Variants in ASTN1 observed in about 807,000 individuals in gnomAD.
ASTN1 encodes the protein astrotactin 1, also known as astrotactin-1.
In ASTN1, 41 loss-of-function variants were observed where a neutral mutation model predicts 140.7. The observed-to-expected ratio is 0.29, with a 90% CI of 0.23 to 0.38. The LOEUF (loss-of-function observed/expected upper bound fraction) is 0.38, where lower values mean the gene tolerates loss of function less well. Ranked by LOEUF, ASTN1 falls within the 10% of genes least tolerant of loss-of-function variation. The pLI, the probability that ASTN1 is intolerant of heterozygous loss-of-function variation, is 1.00. For synonymous variants in ASTN1, 640 were observed against 652.2 expected (o/e 0.98, Z 0.29); for missense variants, 1,479 against 1,678.8 (o/e 0.88, Z 2.08).
intron 1 of ASTN1, among the ~76,000 whole-genome samples, chr1:177,100,909 A>G (rs1012938248): frequency 9.2e-5 from 14 of 152,244 alleles, no homozygotes; most frequent in East Asian, 1.9e-4. Context: ...CCTGGCCAAC[A>G]TGGTAAAACT....
At chr1:176,951,220 T>C (rs1359957481) in intron 11 of ASTN1, among the ~76,000 whole-genome samples, 1 of 152,196 alleles carries the variant, frequency 6.6e-6, no homozygotes, top group Non-Finnish European at 1.5e-5. Context: ...CAGATGATGG[T>C]AAACAAGCAA....
intron 8 of ASTN1, among the ~76,000 whole-genome samples, chr1:177,013,479 C>T (rs776666609): frequency 1.3e-5 from 2 of 152,160 alleles, no homozygotes; most frequent in African/African-American, 2.4e-5. Flanking sequence ...CCCTTGGGCT[C>T]TTCAATCATT....
chr1:176,961,678 C>G (rs996035317), intron 9 of ASTN1, among the ~76,000 whole-genome samples: 5 of 152,180 alleles, frequency 3.3e-5, no homozygotes, highest in African/African-American at 1.2e-4. Context: ...CTAAAGTTTT[C>G]TTTCATCTGC....
Position 176,861,747 on chromosome 1 carries a change from GAAGA to G in ASTN1, c.*2533_*2536del. The G allele has an allele frequency of 1.0e-6, 1 of 985,446 alleles. No individual in the cohort carries two copies. Among genetic ancestry groups the G allele is most frequent in the Non-Finnish European group, 1.2e-6 (1 of 829,998 alleles). The allele number at this position is 985,446 out of a possible 1,614,324, so 61.0% of individuals were successfully genotyped here. Reference sequence around the variant, plus strand: ...GGGAGAACTCAACGAGAAACAGGAGGAAGAAAGTCTTGGGGAAAGAGGAGGCCAA... The same window carrying G: ...GGGAGAACTCAACGAGAAACAGGAGGAAGTCTTGGGGAAAGAGGAGGCCAA... On this transcript the variant is annotated 3_prime_UTR_variant, in exon 23 of 23. Transcript: ENST00000361833.
chr1:176,864,651 T>C, intron 22 of ASTN1, 130 bp from the exon 23 acceptor site: 1 of 1,351,958 alleles, frequency 7.4e-7, no homozygotes, highest in Non-Finnish European at 9.9e-7. Context: ...CTATTTTATC[T>C]TTGGCACTTG....
chr1:176,860,160 G>A (rs138700617), downstream of ASTN1, among the ~76,000 whole-genome samples: 2 of 152,124 alleles, frequency 1.3e-5, no homozygotes, highest in Non-Finnish European at 2.9e-5. Flanking sequence ...GGCCTTTTAC[G>A]ACTTAGGCTT....
At chr1:177,020,880 A>G (rs1675789187) in intron 7 of ASTN1, among the ~76,000 whole-genome samples, 1 of 152,128 alleles carries the variant, frequency 6.6e-6, no homozygotes, top group Non-Finnish European at 1.5e-5. Context: ...TGTGTGTAAA[A>G]GTACACAAGT....
At position 177,068,641 on chromosome 1, in the gene ASTN1, G is replaced by T. The variant is rs187398222; in HGVS notation, c.284-7376C>A. ...ACTAGATTTCTCTAGGAATTGTCCA[G>T]CTCTAACCATGTTATTCAATGACAC... On this transcript the variant is annotated intron_variant, in intron 1 of 22. Coordinates refer to ENST00000361833, the MANE Select transcript of ASTN1 (RefSeq NM_004319.3). Among the ~76,000 whole-genome samples the T allele has an allele frequency of 7.8e-4, 119 of 152,226 alleles. 1 individual carries two copies. The highest frequency in any genetic ancestry group is 1.2e-3 in the Admixed American group (19 of 15,288).
chr1:177,089,434 A>G (rs1679635308), intron 1 of ASTN1, among the ~76,000 whole-genome samples: 1 of 152,196 alleles, frequency 6.6e-6, no homozygotes. Flanking sequence ...GGAGAGAAAT[A>G]GAAAAAGAGA....
chr1:176,936,012 T>A, intron 15 of ASTN1: 1 of 532,794 alleles, frequency 1.9e-6, no homozygotes, highest in South Asian at 2.0e-5. Context: ...AATTATACCT[T>A]CAATGGCTCC....
chr1:176,993,875 T>C (rs922061567), intron 8 of ASTN1, among the ~76,000 whole-genome samples: 4 of 152,204 alleles, frequency 2.6e-5, no homozygotes, highest in African/African-American at 9.6e-5. Context: ...TTGACTCTCT[T>C]GTAGCCTACA....
chr1:177,062,198 T>C (rs1558067675), intron 1 of ASTN1, among the ~76,000 whole-genome samples: 2 of 152,170 alleles, frequency 1.3e-5, no homozygotes, highest in African/African-American at 2.4e-5. Flanking sequence ...AGTATTCTGC[T>C]GAACATGTGT....
chr1:177,029,677 C>T lies in ASTN1; in HGVS notation c.1077G>A (p.Leu359=), dbSNP rs1558043059. 6.2e-7 allele frequency: 1 copy of T among 1,613,900 alleles called. No homozygotes were observed. Among genetic ancestry groups the T allele is most frequent in the East Asian group, 2.2e-5 (1 of 44,884 alleles). ...TCCTTGAAGGATCCGTGTAAAAGGT[C>T]AGCTGGGGGTCGTTTTCTGCCTCTG... The part of the protein sequence containing the change: ...SGTEAENDPQ[L]TFYTDPSRSR... Residue 359 remains leucine, a synonymous_variant, in exon 5 of 23, where the codon CTG becomes CTA. Coordinates refer to ENST00000361833, the MANE Select transcript of ASTN1 (RefSeq NM_004319.3).
At chr1:177,054,450 C>T (rs993408313) in intron 2 of ASTN1, among the ~76,000 whole-genome samples, 7 of 152,092 alleles carry the variant, frequency 4.6e-5, no homozygotes, top group African/African-American at 1.2e-4. Context: ...AACAAGAAAT[C>T]GTGAAATCAG....
At chr1:177,074,750 TTAAC>T (rs1268445595) in intron 1 of ASTN1, among the ~76,000 whole-genome samples, 3 of 152,228 alleles carry the variant, frequency 2.0e-5, no homozygotes, top group Non-Finnish European at 4.4e-5. Context: ...CACCAGGAAT[TTAAC>T]TATTTTTATC....
chr1:176,888,675 C>T (rs996054008), intron 17 of ASTN1, among the ~76,000 whole-genome samples: 3 of 152,184 alleles, frequency 2.0e-5, no homozygotes, highest in Non-Finnish European at 2.9e-5. Context: ...TGCTTTCTAA[C>T]CTGCTTGCAA....
intron 8 of ASTN1, among the ~76,000 whole-genome samples, chr1:176,985,659 CT>C (rs1673856783): frequency 6.6e-6 from 1 of 152,190 alleles, no homozygotes; most frequent in East Asian, 1.9e-4. Context: ...CACCTCATTC[CT>C]CTGCCCAAAG....
chr1:177,139,747 A>G (rs1318294347), intron 1 of ASTN1, among the ~76,000 whole-genome samples: 1 of 152,038 alleles, frequency 6.6e-6, no homozygotes, highest in Non-Finnish European at 1.5e-5. Flanking sequence ...GGTGAGGAAA[A>G]CCTTCACTAA....
intron 2 of ASTN1, among the ~76,000 whole-genome samples, chr1:177,049,700 A>C (rs146242650): frequency 1.3e-5 from 2 of 152,330 alleles, no homozygotes; most frequent in African/African-American, 4.8e-5. Context: ...AAGTGAGAAG[A>C]AGAAGATGTA....
Sources: allele counts gnomAD v4.1 joint callset (sites outside exome capture counted in the v4.1 genomes callset), GRCh38; gene constraint gnomAD v4.1.1; transcripts MANE v1.5; gene names NCBI Gene and HGNC (gene_info 2026-07-23, HGNC 2026-07-21).